The following CPA6 variants were observed in gnomAD, a reference collection of about 807,000 sequenced individuals.
CPA6 encodes the protein carboxypeptidase B.
Under a neutral mutation model 63.3 loss-of-function variants are expected in CPA6, and 58 were observed. The observed-to-expected ratio is 0.92, with a 90% confidence interval of 0.74 to 1.14. CPA6 has a LOEUF of 1.14. CPA6 is among the 50% of genes most tolerant of loss of function. CPA6 has a pLI of 0.00. For synonymous variants in CPA6, 185 were observed against 179.0 expected, an observed-to-expected ratio of 1.03 and a Z score of -0.27; for missense variants, 565 against 526.6, an observed-to-expected ratio of 1.07 and a Z score of -0.71.
chr8:67,579,185 C>T (rs932743128), intron 2 of CPA6, among the ~76,000 whole-genome samples: 1 of 152,092 alleles, frequency 6.6e-6, no homozygotes, highest in African/African-American at 2.4e-5. Context: ...TCGAAGTAGG[C>T]GGATCACCTG....
intron 1 of CPA6, among the ~76,000 whole-genome samples, chr8:67,710,397 G>A (rs1402858314): frequency 3.3e-5 from 3 of 90,916 alleles, no homozygotes; most frequent in East Asian, 7.1e-4. Context: ...CAAATTTCCC[G>A]CCCCCACCCC....
intron 1 of CPA6, among the ~76,000 whole-genome samples, chr8:67,720,395 C>T (rs917035744): frequency 1.3e-5 from 2 of 152,178 alleles, no homozygotes; most frequent in Non-Finnish European, 2.9e-5. Flanking sequence ...GATGGCTTGG[C>T]TTGGGCTCAG....
intron 6 of CPA6, among the ~76,000 whole-genome samples, chr8:67,504,783 T>C (rs565738244): frequency 4.0e-5 from 6 of 151,814 alleles, no homozygotes; most frequent in Non-Finnish European, 7.4e-5. Flanking sequence ...AGTGGTAAAG[T>C]GGAGGAGGAA....
intron 1 of CPA6, among the ~76,000 whole-genome samples, chr8:67,633,989 T>C (rs1815404749): frequency 6.6e-6 from 1 of 152,094 alleles, no homozygotes; most frequent in African/African-American, 2.4e-5. Context: ...TGTTTCCCCT[T>C]GAAGTTCGTA....
At chr8:67,610,859 G>A (rs777672117) in intron 2 of CPA6, among the ~76,000 whole-genome samples, 10 of 152,208 alleles carry the variant, frequency 6.6e-5, no homozygotes, top group Non-Finnish European at 1.3e-4. Context: ...CTTCTGCAGA[G>A]TGGAAAAACA....
chr8:67,529,320 G>T (rs1300374276), intron 2 of CPA6, among the ~76,000 whole-genome samples: 7 of 152,146 alleles, frequency 4.6e-5, no homozygotes, highest in African/African-American at 1.7e-4. Context: ...GAAATGACTT[G>T]GCTGATCACA....
chr8:67,481,363 C>T (rs943101213), intron 8 of CPA6, among the ~76,000 whole-genome samples: 4 of 152,214 alleles, frequency 2.6e-5, no homozygotes, highest in Non-Finnish European at 5.9e-5. Flanking sequence ...CCTACCACTA[C>T]TCTGACTTGT....
rs534358713 is a variant in CPA6 at position 67,462,615 on chromosome 8, G to A, written c.838+21153C>T. Among the ~76,000 whole-genome samples the A allele has an allele frequency of 3.3e-5, 5 of 152,268 alleles. No individual in the cohort carries two copies. The South Asian group carries it at 8.3e-4, about 25-fold the overall frequency. ...AGACCCATTCACACTCAAAAGCAAT[G>A]TGTAATATTGCCTGTTTTCCACATC... On this transcript the variant is annotated intron_variant, in intron 8 of 10. Transcript: ENST00000297770.
At chr8:67,713,099 G>GTGTATA (rs1328463977) in intron 1 of CPA6, among the ~76,000 whole-genome samples, 155 of 54,988 alleles carry the variant, frequency 2.8e-3, no homozygotes, top group African/African-American at 5.0e-3. Flanking sequence ...GTGTGTGTGT[G>GTGTATA]TATATATATA....
chr8:67,437,019 T>C (rs918111399), intron 8 of CPA6, among the ~76,000 whole-genome samples: 1 of 152,170 alleles, frequency 6.6e-6, no homozygotes, highest in African/African-American at 2.4e-5. Flanking sequence ...CTTACAGCAA[T>C]TGGGGTTTCC....
rs149573076 is a variant in CPA6 at position 67,453,411 on chromosome 8, G to A, written c.839-19171C>T. On this transcript the variant is annotated intron_variant, in intron 8 of 10. Coordinates refer to ENST00000297770, the MANE Select transcript of CPA6 (RefSeq NM_020361.5). ...GCTGAGAATGGCTATAGGAAGAGCCGATTTGGCAGAGTGAAGGTCAGGAGT... is the reference window on the plus strand; with the variant it reads ...GCTGAGAATGGCTATAGGAAGAGCCAATTTGGCAGAGTGAAGGTCAGGAGT... 9.7e-4 allele frequency among the ~76,000 whole-genome samples: 148 copies of A among 152,296 alleles called. 1 individual carries two copies. The highest frequency in any genetic ancestry group is 3.4e-3 in the Middle Eastern group (1 of 294).
chr8:67,672,871 G>T (rs1816379648), intron 1 of CPA6, among the ~76,000 whole-genome samples: 1 of 152,196 alleles, frequency 6.6e-6, no homozygotes, highest in Non-Finnish European at 1.5e-5. Context: ...CTTCTAGGAT[G>T]ATGCAGGCAT....
At chr8:67,461,425 G>A (rs546245551) in intron 8 of CPA6, among the ~76,000 whole-genome samples, 5 of 150,156 alleles carry the variant, frequency 3.3e-5, no homozygotes, top group African/African-American at 1.2e-4. Flanking sequence ...ATTTATCTTA[G>A]TACAGAACAA....
intron 6 of CPA6, among the ~76,000 whole-genome samples, chr8:67,495,448 C>T (rs1478779895): frequency 6.6e-6 from 1 of 152,150 alleles, no homozygotes; most frequent in East Asian, 1.9e-4. Context: ...AAGAAGTGCT[C>T]AATAAGCATT....
At chr8:67,445,479 T>C (rs989565207) in intron 8 of CPA6, among the ~76,000 whole-genome samples, 3 of 152,168 alleles carry the variant, frequency 2.0e-5, no homozygotes, top group Non-Finnish European at 4.4e-5. Context: ...TTAGTTTATA[T>C]ATGTGTCTCT....
At chr8:67,684,396 A>G (rs981461145) in intron 1 of CPA6, among the ~76,000 whole-genome samples, 5 of 152,050 alleles carry the variant, frequency 3.3e-5, no homozygotes, top group African/African-American at 1.2e-4. Context: ...CAAGTTTCCT[A>G]TTCCTGACAA....
At chr8:67,483,625 A>C (rs751507944) in intron 8 of CPA6, 143 bp downstream of exon 8, 1 of 748,684 alleles carries the variant, frequency 1.3e-6, no homozygotes, top group Admixed American at 1.9e-5. Context: ...TACAGCTATC[A>C]TGTACGTATC....
chr8:67,494,366 T>C (rs2128962786), intron 6 of CPA6, among the ~76,000 whole-genome samples: 1 of 152,274 alleles, frequency 6.6e-6, no homozygotes, highest in South Asian at 2.1e-4. Flanking sequence ...ATCAAACAAA[T>C]ATTTCCCTGA....
At chr8:67,716,987 T>C (rs924867939) in intron 1 of CPA6, among the ~76,000 whole-genome samples, 1 of 152,130 alleles carries the variant, frequency 6.6e-6, no homozygotes, top group Non-Finnish European at 1.5e-5. Context: ...TTTGTTTCTA[T>C]GTAGTAGGAT....
Sources: allele counts gnomAD v4.1 joint callset (sites outside exome capture counted in the v4.1 genomes callset), GRCh38; gene constraint gnomAD v4.1.1; transcripts MANE v1.5; gene names NCBI Gene and HGNC (gene_info 2026-07-23, HGNC 2026-07-21).